RSBN1L: variants seen among roughly 807,000 people sequenced by gnomAD.
The protein encoded by RSBN1L is round spermatid basic protein 1 like.
RSBN1L carries 30 observed loss-of-function variants against 67.7 expected under a neutral mutation model. That is an observed-to-expected ratio of 0.44 (90% CI 0.33 to 0.60). The LOEUF (loss-of-function observed/expected upper bound fraction) is 0.60, where lower values mean the gene tolerates loss of function less well. Among genes scored for constraint, RSBN1L ranks in the 20% least tolerant of loss-of-function variants. The pLI is 0.02. For synonymous variants in RSBN1L, 433 were observed against 387.0 expected (o/e 1.12, Z -1.39); for missense variants, 992 against 1,031.7 (o/e 0.96, Z 0.53).
At chr7:77,756,531 C>T (rs1399670190) in intron 3 of RSBN1L, among the ~76,000 whole-genome samples, 2 of 152,068 alleles carry the variant, frequency 1.3e-5, no homozygotes, top group Admixed American at 1.3e-4. Context: ...AATCCCAGCA[C>T]TTTGGGAGGC....
chr7:77,739,709 A>AG (rs1256590814), intron 2 of RSBN1L, among the ~76,000 whole-genome samples: 3 of 57,762 alleles, frequency 5.2e-5, no homozygotes, highest in African/African-American at 1.3e-4. Flanking sequence ...ACTTGGTCTC[A>AG]GGAAAAAAAA....
chr7:77,709,377 C>G (rs925486177), intron 1 of RSBN1L, among the ~76,000 whole-genome samples: 10 of 152,018 alleles, frequency 6.6e-5, no homozygotes, highest in African/African-American at 2.4e-4. Flanking sequence ...GCAACCGCCA[C>G]CTCCTGGGTT....
chr7:77,708,671 C>T (rs1031492627), intron 1 of RSBN1L, among the ~76,000 whole-genome samples: 7 of 151,828 alleles, frequency 4.6e-5, no homozygotes, highest in African/African-American at 1.2e-4. Flanking sequence ...CGTGAGCCAC[C>T]GCGCCCAGCC....
At chr7:77,761,606 T>G (rs1296384315) in intron 3 of RSBN1L, among the ~76,000 whole-genome samples, 1 of 152,218 alleles carries the variant, frequency 6.6e-6, no homozygotes, top group Non-Finnish European at 1.5e-5. Context: ...GCGTGTGGAT[T>G]TTATTCTTAC....
rs1584309610 is a variant in RSBN1L at position 77,781,548 on chromosome 7, G to C, written c.*2380G>C. On this transcript the variant is annotated 3_prime_UTR_variant, in exon 8 of 8. Transcript: ENST00000334955. ...TCATACTGTGAGAAAATGTCTTTAG[G>C]GTATCCCTCCAAAATAGGAGCCTTA... The C allele has an allele frequency of 6.6e-6, 1 of 151,948 alleles. No homozygotes were observed. The highest frequency in any genetic ancestry group is 1.5e-5 in the Non-Finnish European group (1 of 67,990). 9.4% of individuals were successfully genotyped at this position (151,948 alleles called of 1,614,324 possible).
chr7:77,705,213 A>G (rs140586459), intron 1 of RSBN1L, among the ~76,000 whole-genome samples: 1 of 152,138 alleles, frequency 6.6e-6, no homozygotes, highest in African/African-American at 2.4e-5. Context: ...TTAATATGAC[A>G]TTGACTTTTT....
At position 77,698,980 on chromosome 7, in the gene RSBN1L, A is replaced by G. The variant is rs1424647146; in HGVS notation, c.586+1925A>G. ...CTGAATTGATGTTCTGTTTTAACGA[A>G]TTAAGAAGATTCTTAAATAGCGGTA... On this transcript the variant is annotated intron_variant, in intron 1 of 7. Coordinates refer to ENST00000334955, the MANE Select transcript of RSBN1L (RefSeq NM_198467.3). Among the ~76,000 whole-genome samples, 5 of 152,198 alleles carry G rather than the reference A, an allele frequency of 3.3e-5. No individual in the cohort carries two copies. In the East Asian group the frequency reaches 9.6e-4, roughly 29 times the overall value.
intron 3 of RSBN1L, 89 bp downstream of exon 3, chr7:77,750,153 TAAA>T (rs1176613325): frequency 8.2e-6 from 6 of 732,192 alleles, no homozygotes; most frequent in South Asian, 2.8e-5. Context: ...AGGGCTGAAA[TAAA>T]AAGGTAAGAA....
chr7:77,746,493 C>A (rs114530234), intron 2 of RSBN1L, among the ~76,000 whole-genome samples: 2 of 152,040 alleles, frequency 1.3e-5, no homozygotes, highest in Non-Finnish European at 2.9e-5. Context: ...GATTACAGTT[C>A]GACATGAGAT....
chr7:77,721,561 T>C (rs1791120310), intron 1 of RSBN1L, among the ~76,000 whole-genome samples: 1 of 152,188 alleles, frequency 6.6e-6, no homozygotes, highest in Admixed American at 6.5e-5. Flanking sequence ...AATTTCACCG[T>C]AATCTTACAG....
chr7:77,720,763 C>CTTTT (rs34070122), intron 1 of RSBN1L, among the ~76,000 whole-genome samples: 32 of 104,354 alleles, frequency 3.1e-4, no homozygotes, highest in Non-Finnish European at 4.1e-4. Context: ...TTTTCTTTTT[C>CTTTT]TTTTTTTTTT....
chr7:77,765,425 TTTAA>T, intron 3 of RSBN1L, 66 bp from the exon 4 acceptor site: 1 of 1,235,052 alleles, frequency 8.1e-7, no homozygotes, highest in African/African-American at 1.5e-5. Flanking sequence ...ATGTGTAACT[TTTAA>T]TTAAATCCAT....
chr7:77,697,283 A>G (rs144466180), intron 1 of RSBN1L: 1 of 388,618 alleles, frequency 2.6e-6, no homozygotes, highest in East Asian at 4.0e-5. Flanking sequence ...TATTTTCTGT[A>G]TCGTTTCTTC....
At chr7:77,703,053 A>G (rs571045796) in intron 1 of RSBN1L, among the ~76,000 whole-genome samples, 81 of 152,308 alleles carry the variant, frequency 5.3e-4, no homozygotes, top group African/African-American at 1.9e-3. Flanking sequence ...ATGAGTTTGT[A>G]TGACAGGGTT....
rs1353490777 is a variant in RSBN1L at position 77,778,510 on chromosome 7, CTTG to C, written c.1903-17_1903-15del. 2 of 1,596,818 alleles carry C rather than the reference CTTG, an allele frequency of 1.3e-6. No homozygotes were observed. The highest frequency in any genetic ancestry group is 3.5e-5 in the Admixed American group (2 of 57,336). On this transcript the variant is annotated splice_polypyrimidine_tract_variant and intron_variant, in intron 7 of 7. Coordinates refer to ENST00000334955, the MANE Select transcript of RSBN1L (RefSeq NM_198467.3). ...ATTATGAAGAGAGTTATTTGTATTTCTTGTTTTATTATTTTTTAGTGTGTCCAA... is the reference window on the plus strand; with the variant it reads ...ATTATGAAGAGAGTTATTTGTATTTCTTTTATTATTTTTTAGTGTGTCCAA...
chr7:77,697,065 G>T lies in RSBN1L; in HGVS notation c.586+10G>T. ...AAGCCGCTGCCCCGAGGTGGGTGCCGTGCGGGGAGGGGGAGGGGAGGGCGC... is the reference window on the plus strand; with the variant it reads ...AAGCCGCTGCCCCGAGGTGGGTGCCTTGCGGGGAGGGGGAGGGGAGGGCGC... On this transcript the variant is annotated intron_variant, in intron 1 of 7. Coordinates refer to ENST00000334955, the MANE Select transcript of RSBN1L (RefSeq NM_198467.3). The T allele has an allele frequency of 1.4e-6, 2 of 1,419,442 alleles. No individual in the cohort carries two copies. The highest frequency in any genetic ancestry group is 1.8e-6 in the Non-Finnish European group (2 of 1,090,350). 87.9% of individuals were successfully genotyped at this position (1,419,442 alleles called of 1,614,324 possible).
At chr7:77,735,291 AAT>A (rs1791320105) in intron 1 of RSBN1L, among the ~76,000 whole-genome samples, 1 of 152,222 alleles carries the variant, frequency 6.6e-6, no homozygotes, top group African/African-American at 2.4e-5. Flanking sequence ...ATAAATGTAA[AAT>A]ATATGTTAGA....
chr7:77,723,991 T>G (rs1231933606), intron 1 of RSBN1L, among the ~76,000 whole-genome samples: 2 of 151,970 alleles, frequency 1.3e-5, no homozygotes, highest in Admixed American at 6.6e-5. Flanking sequence ...TTGCCCAGGC[T>G]GGTCTTGAAT....
At chr7:77,699,796 A>ATTT (rs374246949) in intron 1 of RSBN1L, among the ~76,000 whole-genome samples, 18 of 142,692 alleles carry the variant, frequency 1.3e-4, no homozygotes, top group Non-Finnish European at 2.6e-4. Context: ...AACAGTTTAG[A>ATTT]TTTTTTTTTT....
Sources: allele counts gnomAD v4.1 joint callset (sites outside exome capture counted in the v4.1 genomes callset), GRCh38; gene constraint gnomAD v4.1.1; transcripts MANE v1.5; gene names NCBI Gene and HGNC (gene_info 2026-07-23, HGNC 2026-07-21).